Variants in CPNE4 observed in about 807,000 individuals in gnomAD.
CPNE4 encodes the protein copine 4, also known as copine-4.
In CPNE4, 25 loss-of-function variants were observed where a neutral mutation model predicts 67.9. The ratio of observed to expected loss-of-function variants is 0.37; its 90% CI spans 0.27 to 0.51. The LOEUF is 0.51. Among genes scored for constraint, CPNE4 ranks in the 20% least tolerant of loss-of-function variants. The pLI, the probability that CPNE4 is intolerant of heterozygous loss-of-function variation, is 0.93. For missense variants in CPNE4, 464 were observed against 690.8 expected (o/e 0.67, Z 3.68); for synonymous variants, 242 against 244.9 (o/e 0.99, Z 0.11).
At chr3:131,554,173 T>C (rs1228438843) in intron 12 of CPNE4, among the ~76,000 whole-genome samples, 2 of 152,026 alleles carry the variant, frequency 1.3e-5, no homozygotes, top group Non-Finnish European at 2.9e-5. Context: ...TGATGGCTAT[T>C]GAGCTATTCA....
At position 131,717,869 on chromosome 3, in the gene CPNE4, CTTT is replaced by C. The variant is rs1560172386; in HGVS notation, c.360+5574_360+5576del. On this transcript the variant is annotated intron_variant, in intron 3 of 15. Transcript: ENST00000429747. Reference sequence around the variant, plus strand: ...TCCTTCCTCGCTCCCTCCTTTCTTTCTTTCTTTTCTTTCTTTCTTTCTTTCTTT... The same window carrying C: ...TCCTTCCTCGCTCCCTCCTTTCTTTCCTTTTCTTTCTTTCTTTCTTTCTTT... Among the ~76,000 whole-genome samples the C allele has an allele frequency of 8.8e-3, 399 of 45,148 alleles. 36 individuals carry two copies. The highest frequency in any genetic ancestry group is 0.047 in the South Asian group (62 of 1,320). 29.6% of individuals were successfully genotyped at this position (45,148 alleles called of 152,430 possible). A position where few individuals can be genotyped will look rare whatever the true frequency, so the allele number is the denominator to read the frequency against.
chr3:131,921,795 T>C (rs2070745513), intron 1 of CPNE4, among the ~76,000 whole-genome samples: 1 of 152,140 alleles, frequency 6.6e-6, no homozygotes, highest in Admixed American at 6.5e-5. Flanking sequence ...AGTAGATACA[T>C]GATGAATCGT....
chr3:131,699,885 G>A, intron 4 of CPNE4, 24 bp downstream of exon 4: 1 of 1,603,722 alleles, frequency 6.2e-7, no homozygotes, highest in African/African-American at 1.3e-5. Context: ...CAGGCAGACA[G>A]CTGCTTAGGG....
intron 2 of CPNE4, 123 bp from the exon 3 acceptor site, chr3:131,723,748 G>C: frequency 1.2e-6 from 1 of 826,348 alleles, no homozygotes; most frequent in Non-Finnish European, 1.9e-6. Flanking sequence ...CAAGTCATTG[G>C]GTGGGCAGTC....
At chr3:131,651,081 A>T (rs1256895920) in intron 7 of CPNE4, among the ~76,000 whole-genome samples, 1 of 152,218 alleles carries the variant, frequency 6.6e-6, no homozygotes, top group East Asian at 1.9e-4. Context: ...GGAAAGCATT[A>T]GAAAATAGAT....
chr3:131,922,120 C>T (rs1021485220), intron 1 of CPNE4, among the ~76,000 whole-genome samples: 3 of 152,096 alleles, frequency 2.0e-5, no homozygotes, highest in Admixed American at 6.5e-5. Context: ...GCCATCTTTA[C>T]GTACATGAGT....
intron 7 of CPNE4, among the ~76,000 whole-genome samples, chr3:131,636,606 C>T (rs2079393102): frequency 6.6e-6 from 1 of 152,146 alleles, no homozygotes. Flanking sequence ...AGCTCTGTGG[C>T]CCTGCACACC....
rs567293613 is a variant in CPNE4, at chr3:131,733,588, T to C, written c.181-9963A>G. ...AGCAATCAGAAACTGCCTCACAAAA[T>C]TCATGCCTGCCTGCTAAAAGCAGGC... On this transcript the variant is annotated intron_variant, in intron 2 of 15. Coordinates refer to ENST00000429747, the MANE Select transcript of CPNE4 (RefSeq NM_130808.3). Among the ~76,000 whole-genome samples the C allele has an allele frequency of 1.4e-4, 21 of 152,306 alleles. No individual in the cohort carries two copies. The South Asian group carries it at 3.9e-3, about 29-fold the overall frequency.
intron 14 of CPNE4, among the ~76,000 whole-genome samples, chr3:131,549,266 A>G (rs1936043350): frequency 6.6e-6 from 1 of 152,122 alleles, no homozygotes. Flanking sequence ...TTAAATAAAA[A>G]CTCAGTACCC....
chr3:131,613,757 C>T (rs1169823023), intron 7 of CPNE4, among the ~76,000 whole-genome samples: 1 of 152,112 alleles, frequency 6.6e-6, no homozygotes, highest in Non-Finnish European at 1.5e-5. Flanking sequence ...GCTAAACAGA[C>T]CATCACTCCC....
chr3:131,590,912 A>G (rs1490801542), intron 7 of CPNE4, among the ~76,000 whole-genome samples: 1 of 152,204 alleles, frequency 6.6e-6, no homozygotes, highest in Non-Finnish European at 1.5e-5. Context: ...GAGTGATGGG[A>G]AGCCCTTTAA....
rs78667242 is a variant in CPNE4 at position 132,027,702 on chromosome 3, G to C, written c.-2+6865C>G. Among the ~76,000 whole-genome samples, 180 of 60,904 alleles carry C rather than the reference G, an allele frequency of 3.0e-3. 2 individuals are homozygous for C. Among genetic ancestry groups the C allele is most frequent in the Non-Finnish European group, 5.2e-3 (132 of 25,402 alleles). 40.0% of individuals were successfully genotyped at this position (60,904 alleles called of 152,430 possible). A position where few individuals can be genotyped will look rare whatever the true frequency, so the allele number is the denominator to read the frequency against. ...TCAGGTGCAAAACTCCTTGACTTTT[G>C]CCACTGAAATTTATATCTCTGAGTT... On this transcript the variant is annotated intron_variant, in intron 1 of 15. Transcript: ENST00000429747.
upstream of CPNE4, chr3:132,035,572 T>C (rs1219728403): frequency 6.6e-6 from 1 of 152,228 alleles, no homozygotes; most frequent in Non-Finnish European, 1.5e-5. Context: ...GGAGTACTTA[T>C]GCTTAAAGAT....
intron 7 of CPNE4, among the ~76,000 whole-genome samples, chr3:131,648,359 C>A (rs1582952909): frequency 6.6e-6 from 1 of 152,298 alleles, no homozygotes; most frequent in African/African-American, 2.4e-5. Context: ...GGCAACAGAG[C>A]AAGACCCTGT....
At chr3:131,851,726 T>C (rs2086249097) in intron 2 of CPNE4, among the ~76,000 whole-genome samples, 1 of 152,108 alleles carries the variant, frequency 6.6e-6, no homozygotes, top group South Asian at 2.1e-4. Context: ...ATAGCTATCT[T>C]GGCTTGAAGA....
chr3:131,805,863 A>G (rs997343574), intron 2 of CPNE4, among the ~76,000 whole-genome samples: 2 of 152,234 alleles, frequency 1.3e-5, no homozygotes. Context: ...AAAAAGAGAA[A>G]TAGACTCTGC....
chr3:131,865,894 G>A (rs1170009859), intron 2 of CPNE4, among the ~76,000 whole-genome samples: 1 of 152,308 alleles, frequency 6.6e-6, no homozygotes, highest in South Asian at 2.1e-4. Flanking sequence ...TAGGCCCAGT[G>A]ACAAGCCACT....
chr3:131,596,621 CAAAAAAAAAAAAA>C (rs58456346), intron 7 of CPNE4, among the ~76,000 whole-genome samples: 9 of 32,962 alleles, frequency 2.7e-4, no homozygotes, highest in Non-Finnish European at 4.5e-4. Flanking sequence ...GACTCCGTCT[CAAAAAAAAAAAAA>C]AAAAAAAAAA....
chr3:131,803,171 TTG>T (rs2084192659), intron 2 of CPNE4, among the ~76,000 whole-genome samples: 1 of 152,196 alleles, frequency 6.6e-6, no homozygotes, highest in South Asian at 2.1e-4. Flanking sequence ...GTGGATAACC[TTG>T]GAATTCGACA....
Sources: gnomAD v4.1 joint callset for allele counts (sites outside exome capture counted in the v4.1 genomes callset) on GRCh38, gnomAD v4.1.1 for gene constraint, MANE v1.5 for transcripts, NCBI Gene and HGNC (gene_info 2026-07-23, HGNC 2026-07-21) for gene names.